SEMA5A: variants seen among roughly 807,000 people sequenced by gnomAD.
The protein encoded by SEMA5A is semaphorin-5A.
Under a neutral mutation model 135.5 loss-of-function variants are expected in SEMA5A, and 55 were observed. That is an observed-to-expected ratio of 0.41 (90% CI 0.33 to 0.51). The LOEUF (loss-of-function observed/expected upper bound fraction) is 0.51. Ranked by LOEUF, SEMA5A falls within the 20% of genes least tolerant of loss-of-function variation. The pLI is 0.37. For synonymous variants in SEMA5A, 580 were observed against 546.5 expected (o/e 1.06, Z -0.85); for missense variants, 1,290 against 1,419.9 (o/e 0.91, Z 1.47).
rs150008370 is a variant in SEMA5A, at chr5:9,350,015, A to C, written c.125-12203T>G. ...TCTTCGAAATCCTTACACTTACTGC[A>C]CTGGACACCTTTCAAGTACTTTGAA... On this transcript the variant is annotated intron_variant, in intron 3 of 22. Coordinates refer to ENST00000382496, the MANE Select transcript of SEMA5A (RefSeq NM_003966.3). Among the ~76,000 whole-genome samples the C allele has an allele frequency of 1.2e-4, 18 of 152,280 alleles. 1 individual carries two copies. The highest frequency in any genetic ancestry group is 4.1e-4 in the African/African-American group (17 of 41,570).
At chr5:9,475,178 C>T (rs760625455) in intron 1 of SEMA5A, among the ~76,000 whole-genome samples, 4 of 152,322 alleles carry the variant, frequency 2.6e-5, no homozygotes, top group Non-Finnish European at 4.4e-5. Context: ...GTGATCTGCC[C>T]GCCTTGGCCT....
At position 9,042,799 on chromosome 5, in the gene SEMA5A, T is replaced by C. The variant is rs966024408; in HGVS notation, c.*98A>G. On this transcript the variant is annotated 3_prime_UTR_variant, in exon 23 of 23. Coordinates refer to ENST00000382496, the MANE Select transcript of SEMA5A (RefSeq NM_003966.3). ...TGGCTTGAAATGCACTTGAAATGTA[T>C]CCAAACTTCGACTCTGAAGCCTCAG... is the stretch of plus-strand genomic sequence containing the variant. The C allele has an allele frequency of 2.1e-6, 3 of 1,461,732 alleles. No individual in the cohort carries two copies. The highest frequency in any genetic ancestry group is 2.8e-6 in the Non-Finnish European group (3 of 1,056,318). The allele number at this position is 1,461,732 out of a possible 1,614,324, so 90.5% of individuals were successfully genotyped here.
chr5:9,060,123 C>A (rs191731692), intron 18 of SEMA5A, among the ~76,000 whole-genome samples: 3 of 152,276 alleles, frequency 2.0e-5, no homozygotes, highest in Admixed American at 2.0e-4. Context: ...CCACTCAGCC[C>A]TGACTCACCC....
chr5:9,482,214 T>C (rs756423280), intron 1 of SEMA5A, among the ~76,000 whole-genome samples: 29 of 152,188 alleles, frequency 1.9e-4, no homozygotes, highest in Non-Finnish European at 3.4e-4. Flanking sequence ...ATTTAAATTA[T>C]AGACTTTTCC....
intron 1 of SEMA5A, among the ~76,000 whole-genome samples, chr5:9,440,713 A>C (rs1013503102): frequency 6.6e-6 from 1 of 152,264 alleles, no homozygotes; most frequent in African/African-American, 2.4e-5. Context: ...GCTCATCAGC[A>C]CATGACTTTC....
At chr5:9,435,325 C>T (rs1047338598) in intron 2 of SEMA5A, among the ~76,000 whole-genome samples, 1 of 152,100 alleles carries the variant, frequency 6.6e-6, no homozygotes, top group Non-Finnish European at 1.5e-5. Context: ...ACCATCTAAA[C>T]TTATTTCATA....
intron 4 of SEMA5A, among the ~76,000 whole-genome samples, chr5:9,324,743 C>T (rs986264829): frequency 1.3e-5 from 2 of 152,224 alleles, no homozygotes; most frequent in African/African-American, 4.8e-5. Context: ...AGTGGCTGTC[C>T]TCCAAGGTAT....
At chr5:9,419,709 C>T (rs1376326268) in intron 2 of SEMA5A, among the ~76,000 whole-genome samples, 7 of 152,144 alleles carry the variant, frequency 4.6e-5, no homozygotes, top group Non-Finnish European at 1.0e-4. Context: ...GCAGATTTAA[C>T]ATTTTATAAA....
At chr5:9,475,595 ATAATACCTAGTGGCAT>A (rs958767497) in intron 1 of SEMA5A, among the ~76,000 whole-genome samples, 2 of 152,240 alleles carry the variant, frequency 1.3e-5, no homozygotes, top group African/African-American at 4.8e-5. Context: ...ATTCATCTGC[ATAATACCTAGTGGCAT>A]TATCTATATT....
At chr5:9,290,153 C>T (rs1751008677) in intron 5 of SEMA5A, among the ~76,000 whole-genome samples, 1 of 152,128 alleles carries the variant, frequency 6.6e-6, no homozygotes, top group African/African-American at 2.4e-5. Flanking sequence ...GCACCTATCA[C>T]CCAAGCAGGC....
intron 8 of SEMA5A, among the ~76,000 whole-genome samples, chr5:9,215,117 G>A (rs767356019): frequency 5.9e-5 from 9 of 152,180 alleles, no homozygotes; most frequent in Non-Finnish European, 1.0e-4. Context: ...GCAGACAGGA[G>A]ATCACCATCC....
chr5:9,212,523 T>C (rs1046433881), intron 8 of SEMA5A, among the ~76,000 whole-genome samples: 8 of 152,130 alleles, frequency 5.3e-5, no homozygotes, highest in African/African-American at 1.9e-4. Context: ...CTTTGAGAAA[T>C]GACAATAAAT....
intron 2 of SEMA5A, among the ~76,000 whole-genome samples, chr5:9,382,090 G>A (rs968591037): frequency 1.3e-5 from 2 of 152,002 alleles, no homozygotes; most frequent in African/African-American, 4.8e-5. Context: ...GAGGTCAGGA[G>A]TTCGAGACCA....
intron 5 of SEMA5A, among the ~76,000 whole-genome samples, chr5:9,277,646 T>C (rs528138901): frequency 1.3e-5 from 2 of 152,266 alleles, no homozygotes; most frequent in Admixed American, 6.5e-5. Context: ...TATAAAAGGA[T>C]GAGTTCCTGT....
At chr5:9,106,054 G>C (rs73741656) in intron 16 of SEMA5A, among the ~76,000 whole-genome samples, 3 of 152,178 alleles carry the variant, frequency 2.0e-5, no homozygotes, top group Admixed American at 6.5e-5. Context: ...ATGCATGGGA[G>C]AAGACACGTC....
chr5:9,508,677 C>T (rs1409966502), intron 1 of SEMA5A, among the ~76,000 whole-genome samples: 1 of 152,146 alleles, frequency 6.6e-6, no homozygotes, highest in East Asian at 1.9e-4. Context: ...GTAAGGTCTT[C>T]CTTGAAGTCC....
intron 1 of SEMA5A, among the ~76,000 whole-genome samples, chr5:9,535,908 T>G (rs1358438513): frequency 2.0e-5 from 3 of 152,150 alleles, no homozygotes; most frequent in African/African-American, 7.2e-5. Flanking sequence ...GGGATGTAAC[T>G]GAATAGCCAT....
At chr5:9,283,058 T>C (rs1369659258) in intron 5 of SEMA5A, among the ~76,000 whole-genome samples, 1 of 152,204 alleles carries the variant, frequency 6.6e-6, no homozygotes, top group East Asian at 1.9e-4. Flanking sequence ...AACGGTAAGA[T>C]AATCAATGTG....
intron 14 of SEMA5A, 23 bp downstream of exon 14, chr5:9,122,633 C>T (rs1740870252): frequency 6.6e-7 from 1 of 1,523,572 alleles, no homozygotes; most frequent in Non-Finnish European, 8.9e-7. Flanking sequence ...AGCAGCACAA[C>T]TGGCGTGTTC....
Sources: allele counts gnomAD v4.1 joint callset (sites outside exome capture counted in the v4.1 genomes callset), GRCh38; gene constraint gnomAD v4.1.1; transcripts MANE v1.5; gene names NCBI Gene and HGNC (gene_info 2026-07-23, HGNC 2026-07-21).